AXIN1: variants seen among roughly 807,000 people sequenced by gnomAD.
The protein encoded by AXIN1 is axin-1.
A neutral mutation model predicts 76.4 loss-of-function variants in AXIN1; 30 were observed. That is an observed-to-expected ratio of 0.39 (90% CI 0.29 to 0.53). The LOEUF (loss-of-function observed/expected upper bound fraction) is 0.53. Among genes scored for constraint, AXIN1 ranks in the 20% least tolerant of loss-of-function variants. AXIN1 has a pLI of 0.66. For synonymous variants in AXIN1, 545 were observed against 501.4 expected (o/e 1.09, Z -1.16); for missense variants, 1,140 against 1,198.8 (o/e 0.95, Z 0.72).
chr16:349,197 C>T (rs2054094155), intron 1 of AXIN1, among the ~76,000 whole-genome samples: 1 of 152,210 alleles, frequency 6.6e-6, no homozygotes, highest in Non-Finnish European at 1.5e-5. Context: ...CCCCCAATGA[C>T]ATTTCAGCAG....
chr16:332,382 C>T (rs1017210885), intron 2 of AXIN1, among the ~76,000 whole-genome samples: 2 of 151,870 alleles, frequency 1.3e-5, no homozygotes, highest in African/African-American at 4.8e-5. Flanking sequence ...TGGAGACCAT[C>T]CTGGCTAACA....
chr16:351,699 G>A (rs1293989057), intron 1 of AXIN1, among the ~76,000 whole-genome samples: 1 of 152,122 alleles, frequency 6.6e-6, no homozygotes, highest in South Asian at 2.1e-4. Context: ...TTGAGGCCAA[G>A]AATTCAACAC....
Position 346,838 on chromosome 16 carries a change from C to T in AXIN1, c.188G>A (p.Arg63His), listed in dbSNP as rs759464398. Residue 63 changes from arginine (R) to histidine (H), a missense_variant, in exon 2 of 11, where the codon CGC (arginine) becomes CAC (histidine). Physicochemically the swap from Arg to His is conservative, Grantham distance 29. Around this residue, in one of 3 missense-constraint regions of AXIN1, gnomAD observed 708 missense variants for 776.9 expected, o/e 0.91. Coordinates refer to ENST00000262320, the MANE Select transcript of AXIN1 (RefSeq NM_003502.4). Reference sequence around the variant, plus strand: ...CTCATACCCCAGGTCCAGATCCGAGCGCCTCGGAGTGGCCGTCGAAGTCTC... The same window carrying T: ...CTCATACCCCAGGTCCAGATCCGAGTGCCTCGGAGTGGCCGTCGAAGTCTC... The part of the protein sequence containing the change: ...KGETSTATPR[R>H]SDLDLGYEPE... 4.3e-5 allele frequency: 69 copies of T among 1,613,340 alleles called. No homozygotes were observed. The highest frequency in any genetic ancestry group is 5.6e-5 in the Non-Finnish European group (66 of 1,179,444).
chr16:304,509 G>A, intron 4 of AXIN1, 68 bp from the exon 5 acceptor site: 2 of 1,604,260 alleles, frequency 1.2e-6, no homozygotes, highest in East Asian at 2.2e-5. Flanking sequence ...TTTGTGAAGG[G>A]AAAGAGCGTG....
chr16:311,839 C>T (rs1383098291), intron 3 of AXIN1, among the ~76,000 whole-genome samples: 2 of 152,176 alleles, frequency 1.3e-5, no homozygotes, highest in African/African-American at 4.8e-5. Context: ...ATCCGTGCCG[C>T]ACCCAGGGGC....
At chr16:342,827 T>C (rs76866488) in intron 2 of AXIN1, among the ~76,000 whole-genome samples, 9,616 of 152,310 alleles carry the variant, frequency 0.063, 964 homozygotes, top group African/African-American at 0.21. Flanking sequence ...AAAGTCAGAA[T>C]GGCACAAAGC....
chr16:308,373 G>C (rs1281613905), intron 4 of AXIN1, among the ~76,000 whole-genome samples: 4 of 152,360 alleles, frequency 2.6e-5, no homozygotes, highest in Admixed American at 2.0e-4. Flanking sequence ...ACCCTTCTGA[G>C]GGGAGGTTGT....
At chr16:315,733 C>T (rs1208271859) in intron 2 of AXIN1, among the ~76,000 whole-genome samples, 1 of 149,346 alleles carries the variant, frequency 6.7e-6, no homozygotes. Flanking sequence ...GAGGCTGAGG[C>T]GGGAGAATAG....
chr16:302,136 G>C (rs2052889726), intron 5 of AXIN1, among the ~76,000 whole-genome samples: 1 of 152,232 alleles, frequency 6.6e-6, no homozygotes, highest in South Asian at 2.1e-4. Flanking sequence ...CACCAGGTCT[G>C]CAAGGCGAGG....
chr16:337,006 C>T (rs3859152), intron 2 of AXIN1, among the ~76,000 whole-genome samples: 2 of 150,806 alleles, frequency 1.3e-5, no homozygotes, highest in East Asian at 3.9e-4. Context: ...AAAAATTAGC[C>T]GGGCATGGTG....
chr16:351,474 G>A (rs966815220), intron 1 of AXIN1, among the ~76,000 whole-genome samples: 15 of 152,102 alleles, frequency 9.9e-5, no homozygotes, highest in African/African-American at 3.6e-4. Flanking sequence ...GCCGGATGTG[G>A]TGGCGCATGC....
At chr16:323,227 C>T (rs1482618956) in intron 2 of AXIN1, among the ~76,000 whole-genome samples, 1 of 151,894 alleles carries the variant, frequency 6.6e-6, no homozygotes, top group Non-Finnish European at 1.5e-5. Context: ...ATCACGAGGT[C>T]AGGAGATCGA....
intron 3 of AXIN1, among the ~76,000 whole-genome samples, chr16:311,988 A>G (rs374413889): frequency 6.6e-6 from 1 of 152,214 alleles, no homozygotes; most frequent in East Asian, 1.9e-4. Context: ...AGCCGAGTCC[A>G]GGTCTGGCTC....
Position 320,066 on chromosome 16 carries a change from C to T in AXIN1, c.879-5383G>A, listed in dbSNP as rs17136110. On this transcript the variant is annotated intron_variant, in intron 2 of 10. Coordinates refer to ENST00000262320, the MANE Select transcript of AXIN1 (RefSeq NM_003502.4). ...CACATCACACCTGCCTCTTCCCAGG[C>T]CGCATGAGAACCTCAGAACCGACAG... Among the ~76,000 whole-genome samples, 379 of 152,262 alleles carry T rather than the reference C, an allele frequency of 2.5e-3. 4 individuals are homozygous for T. Among genetic ancestry groups the T allele is most frequent in the African/African-American group, 7.9e-3 (328 of 41,532 alleles).
rs141841357 is a variant in AXIN1, at chr16:321,103, G to A, written c.879-6420C>T. Reference sequence around the variant, plus strand: ...GATGCCACCCAGAACATGGGAAGAGGAGGCTGGAGGTAGATCTGGCCCTGG... The same window carrying A: ...GATGCCACCCAGAACATGGGAAGAGAAGGCTGGAGGTAGATCTGGCCCTGG... On this transcript the variant is annotated intron_variant, in intron 2 of 10. Transcript: ENST00000262320. Among the ~76,000 whole-genome samples the A allele has an allele frequency of 1.2e-4, 18 of 152,280 alleles. No homozygotes were observed. The East Asian group carries it at 3.3e-3, about 28-fold the overall frequency.
chr16:297,865 C>T lies in AXIN1; in HGVS notation c.1641G>A (p.Lys547=), dbSNP rs1190722288. Residue 547 remains lysine, a synonymous_variant, in exon 6 of 11, where the codon AAG becomes AAA. Coordinates refer to ENST00000262320, the MANE Select transcript of AXIN1 (RefSeq NM_003502.4). The part of the protein sequence containing the change: ...HHVHHSTARP[K]EQVEAEATRR... ...GGGTGGCCTCGGCCTCCACCTGCTC[C>T]TTGGGCCGGGCTGTGCTGTGGTGGA... The T allele has an allele frequency of 6.3e-7, 1 of 1,583,492 alleles. No individual in the cohort carries two copies. Among genetic ancestry groups the T allele is most frequent in the Non-Finnish European group, 8.6e-7 (1 of 1,163,508 alleles).
intron 3 of AXIN1, among the ~76,000 whole-genome samples, chr16:314,321 C>T (rs2053249939): frequency 6.6e-6 from 1 of 152,208 alleles, no homozygotes; most frequent in Admixed American, 6.5e-5. Flanking sequence ...AGCCAGGAAA[C>T]ACTTTTCCTG....
chr16:350,519 T>C (rs2141720617), intron 1 of AXIN1, among the ~76,000 whole-genome samples: 1 of 152,356 alleles, frequency 6.6e-6, no homozygotes, highest in South Asian at 2.1e-4. Flanking sequence ...AACTCAATGC[T>C]ACCTACGTGT....
chr16:338,009 G>C (rs1011275427), intron 2 of AXIN1, among the ~76,000 whole-genome samples: 3 of 152,178 alleles, frequency 2.0e-5, no homozygotes, highest in Admixed American at 6.6e-5. Flanking sequence ...ATGTGACACG[G>C]GGAAAAACTG....
Sources: allele counts gnomAD v4.1 joint callset (sites outside exome capture counted in the v4.1 genomes callset), GRCh38; gene constraint gnomAD v4.1.1; regional missense constraint gnomAD v4.1.1; transcripts MANE v1.5; gene names NCBI Gene and HGNC (gene_info 2026-07-23, HGNC 2026-07-21).